The following CCDC125 variants were observed in gnomAD, a reference collection of about 807,000 sequenced individuals.
CCDC125 encodes coiled-coil domain containing 125.
CCDC125 carries 43 observed loss-of-function variants against 57.4 expected under a neutral mutation model. The ratio of observed to expected loss-of-function variants is 0.75; its 90% confidence interval spans 0.59 to 0.97. The LOEUF (loss-of-function observed/expected upper bound fraction) is 0.97. Ranked by LOEUF, CCDC125 falls within the 50% of genes least tolerant of loss-of-function variation. The pLI is 0.00. For synonymous variants in CCDC125, 187 were observed against 195.2 expected (o/e 0.96, Z 0.35); for missense variants, 563 against 595.7 (o/e 0.95, Z 0.57).
chr5:69,297,836 G>A (rs554869159), intron 8 of CCDC125, among the ~76,000 whole-genome samples: 1 of 151,230 alleles, frequency 6.6e-6, no homozygotes, highest in Admixed American at 6.6e-5. Context: ...TATGATAATG[G>A]TGTGCACCCG....
intron 4 of CCDC125, chr5:69,310,655 T>G (rs1172319296): frequency 6.5e-6 from 1 of 153,770 alleles, no homozygotes; most frequent in Non-Finnish European, 1.4e-5. Context: ...TACTTGGCAA[T>G]AAAAAGGAAG....
In CCDC125 at chr5:69,306,822, A is replaced by G; in HGVS notation, c.612T>C (p.Tyr204=). 6.7e-7 allele frequency: 1 copy of G among 1,493,382 alleles called. No homozygotes were observed. The highest frequency in any genetic ancestry group is 1.4e-5 in the African/African-American group (1 of 69,782). The allele number at this position is 1,493,382 out of a possible 1,614,324, so 92.5% of individuals were successfully genotyped here. A position where few individuals can be genotyped will look rare whatever the true frequency, so the allele number is the denominator to read the frequency against. The stretch of plus-strand genomic sequence containing the variant: ...TAATGGAGTAATATACAAACCTGTC[A>G]TATTTTTGGATCCAAGATTCCTCTA... ...KNIEESWIQK[Y]DRLNCENAVL... The change falls in exon 6 of 12, where the codon TAT becomes TAC. Residue 204 remains tyrosine, a synonymous_variant. Coordinates refer to ENST00000396496, the MANE Select transcript of CCDC125 (RefSeq NM_176816.5).
chr5:69,280,495 TTC>T lies in CCDC125; in HGVS notation c.*2232_*2233del, dbSNP rs1752410963. On this transcript the variant is annotated 3_prime_UTR_variant, in exon 12 of 12. Transcript: ENST00000396496. ...AATGCAAAACTCCCATAAAGGGAGT[TTC>T]TCCAGCAATAATCAATGCTGTCTCA... The T allele has an allele frequency of 6.6e-6, 1 of 152,160 alleles. No homozygotes were observed. Among genetic ancestry groups the T allele is most frequent in the African/African-American group, 2.4e-5 (1 of 41,426 alleles). 9.4% of individuals were successfully genotyped at this position (152,160 alleles called of 1,614,324 possible).
chr5:69,276,522 T>C (rs770534658), downstream of CCDC125: 1 of 1,610,004 alleles, frequency 6.2e-7, no homozygotes, highest in Non-Finnish European at 8.5e-7. Flanking sequence ...ACCTTACTTT[T>C]GGTATCTTTT....
chr5:69,299,874 G>C (rs1756086522), intron 8 of CCDC125, 138 bp downstream of exon 8: 1 of 692,850 alleles, frequency 1.4e-6, no homozygotes, highest in Admixed American at 2.4e-5. Flanking sequence ...AACCAACCTG[G>C]GCCCAGGGGC....
chr5:69,288,071 G>A lies in CCDC125; in HGVS notation c.1100-2604C>T, dbSNP rs1261248654. Among the ~76,000 whole-genome samples the A allele has an allele frequency of 4.6e-5, 7 of 152,120 alleles. No individual in the cohort carries two copies. The South Asian group carries it at 1.2e-3, about 27-fold the overall frequency. ...CTGACATAGAGCTCCTAAAATCCTA[G>A]TAGATAGGGGTGTTAGGTGAATCTT... On this transcript the variant is annotated intron_variant, in intron 10 of 11. Transcript: ENST00000396496.
chr5:69,315,654 A>T (rs1758947810), intron 2 of CCDC125, among the ~76,000 whole-genome samples: 1 of 149,716 alleles, frequency 6.7e-6, no homozygotes, highest in African/African-American at 2.5e-5. Flanking sequence ...GCTACTCAGG[A>T]GGCTGAGGCA....
chr5:69,320,431 C>G lies in CCDC125; in HGVS notation c.110G>C (p.Gly37Ala), dbSNP rs751506686. Residue 37 changes from glycine to alanine, a missense_variant, in exon 2 of 12, where the codon GGT (glycine) becomes GCT (alanine). Physicochemically the swap from Gly to Ala is moderately conservative, Grantham distance 60. Transcript: ENST00000396496. ...TGAAAATTCTATTTCATAAATCCCA[C>G]CAGGTTTCCTTCCGAGGCCATACCC... ...DLGYGLGRKP[G>A]GIYEIEFSHR... The G allele has an allele frequency of 1.2e-6, 2 of 1,614,030 alleles. No individual in the cohort carries two copies. The highest frequency in any genetic ancestry group is 1.7e-6 in the Non-Finnish European group (2 of 1,179,930).
chr5:69,288,410 G>C (rs1390622755), intron 10 of CCDC125, among the ~76,000 whole-genome samples: 1 of 152,160 alleles, frequency 6.6e-6, no homozygotes, highest in Non-Finnish European at 1.5e-5. Flanking sequence ...CCAATGGCCA[G>C]TGATGTACCG....
At chr5:69,273,966 TCTC>T in the CCDC125 span, among the ~76,000 whole-genome samples, 4 of 152,144 alleles carry the variant, frequency 2.6e-5, no homozygotes, top group African/African-American at 7.2e-5. Context: ...TTAGAATTAT[TCTC>T]CTAATTTCTT....
chr5:69,322,258 G>A (rs549637578), intron 1 of CCDC125, among the ~76,000 whole-genome samples: 1 of 152,102 alleles, frequency 6.6e-6, no homozygotes, highest in East Asian at 1.9e-4. Context: ...TAGCTCGGAT[G>A]ACAGGAGTGA....
At position 69,307,208 on chromosome 5, in the gene CCDC125, A is replaced by G. The variant is rs551673688; in HGVS notation, c.532-306T>C. Among the ~76,000 whole-genome samples, 8 of 152,142 alleles carry G rather than the reference A, an allele frequency of 5.3e-5. No homozygotes were observed. The South Asian group carries it at 1.7e-3, about 32-fold the overall frequency. On this transcript the variant is annotated intron_variant, in intron 5 of 11. Transcript: ENST00000396496. ...CACCTCCGCTGCATGTAGAGACCTCAAGCAAAATCCACTCCTGGAAATCTT... is the reference window on the plus strand; with the variant it reads ...CACCTCCGCTGCATGTAGAGACCTCGAGCAAAATCCACTCCTGGAAATCTT...
chr5:69,322,913 G>A (rs941782629), intron 1 of CCDC125, among the ~76,000 whole-genome samples: 3 of 152,018 alleles, frequency 2.0e-5, no homozygotes, highest in Non-Finnish European at 4.4e-5. Flanking sequence ...GGAGGCTGAG[G>A]TGGGAGAATT....
At chr5:69,285,603 C>G (rs1010012951) in intron 10 of CCDC125, 136 bp from the exon 11 acceptor site, 1 of 845,726 alleles carries the variant, frequency 1.2e-6, no homozygotes, top group Non-Finnish European at 1.8e-6. Context: ...AGAGCACAGC[C>G]TTCAGAGCCA....
the CCDC125 span, among the ~76,000 whole-genome samples, chr5:69,273,654 G>A: frequency 6.6e-6 from 1 of 152,104 alleles, no homozygotes; most frequent in Admixed American, 6.5e-5. Flanking sequence ...AATAACTTAG[G>A]GCAGAGCACT....
downstream of CCDC125, among the ~76,000 whole-genome samples, chr5:69,279,198 GTTTT>G (rs59136402): frequency 2.5e-5 from 3 of 119,226 alleles, no homozygotes; most frequent in African/African-American, 3.2e-5. Context: ...ATGCAGGTTT[GTTTT>G]TTTTTTTTTT....
At position 69,292,705 on chromosome 5, in the gene CCDC125, A is replaced by G. The variant is rs183062044; in HGVS notation, c.925-343T>C. Among the ~76,000 whole-genome samples the G allele has an allele frequency of 3.3e-5, 5 of 152,168 alleles. No individual in the cohort carries two copies. The East Asian group carries it at 7.7e-4, about 23-fold the overall frequency. ...AGAGGATACCAAAGGCTGCATTTCA[A>G]CTCAGCTTTGGGCCATTCCAGACCA... On this transcript the variant is annotated intron_variant, in intron 9 of 11. Coordinates refer to ENST00000396496, the MANE Select transcript of CCDC125 (RefSeq NM_176816.5).
At chr5:69,286,163 A>C (rs1297281901) in intron 10 of CCDC125, among the ~76,000 whole-genome samples, 1 of 139,558 alleles carries the variant, frequency 7.2e-6, no homozygotes, top group Non-Finnish European at 1.5e-5. Context: ...ACTTAATACC[A>C]CTTAAAAACA....
At chr5:69,288,788 T>C (rs762998767) in intron 10 of CCDC125, among the ~76,000 whole-genome samples, 20 of 152,148 alleles carry the variant, frequency 1.3e-4, no homozygotes, top group Non-Finnish European at 1.9e-4. Flanking sequence ...CTTTAACTTA[T>C]GGGATCTGAC....
Sources: gnomAD v4.1 joint callset for allele counts (sites outside exome capture counted in the v4.1 genomes callset) on GRCh38, gnomAD v4.1.1 for gene constraint, MANE v1.5 for transcripts, NCBI Gene and HGNC (gene_info 2026-07-23, HGNC 2026-07-21) for gene names.